The following TEAD4 variants were observed in gnomAD, a reference collection of about 807,000 sequenced individuals.
TEAD4 encodes transcriptional enhancer factor TEF-3.
A neutral mutation model predicts 52.4 loss-of-function variants in TEAD4; 36 were observed. The ratio of observed to expected loss-of-function variants is 0.69; its 90% CI spans 0.53 to 0.91. The LOEUF (loss-of-function observed/expected upper bound fraction) is 0.91. Ranked by LOEUF, TEAD4 falls within the 40% of genes least tolerant of loss-of-function variation. TEAD4 has a pLI of 0.00. For missense variants in TEAD4, 508 were observed against 583.9 expected, an observed-to-expected ratio of 0.87 and a Z score of 1.34; for synonymous variants, 220 against 231.0, an observed-to-expected ratio of 0.95 and a Z score of 0.43.
intron 10 of TEAD4, among the ~76,000 whole-genome samples, chr12:3,031,735 C>T (rs2098275711): frequency 1.3e-5 from 2 of 152,340 alleles, no homozygotes; most frequent in South Asian, 4.1e-4. Context: ...ATAACCTCAT[C>T]TGCAGAGGGG....
intron 11 of TEAD4, among the ~76,000 whole-genome samples, chr12:3,039,327 C>G (rs930783641): frequency 2.0e-5 from 3 of 152,090 alleles, no homozygotes; most frequent in African/African-American, 7.2e-5. Context: ...GCTCATAATC[C>G]CATGTGCGCT....
chr12:2,992,922 C>T (rs983623342), intron 2 of TEAD4, among the ~76,000 whole-genome samples: 6 of 152,086 alleles, frequency 3.9e-5, no homozygotes, highest in Admixed American at 6.6e-5. Flanking sequence ...CTGGATTTGT[C>T]TCATGTTAGG....
In TEAD4 at chr12:2,961,351, A is replaced by G. The variant is rs981339579; in HGVS notation, c.-30+1311A>G. Among the ~76,000 whole-genome samples, 4 of 151,914 alleles carry G rather than the reference A, an allele frequency of 2.6e-5. No homozygotes were observed. In the East Asian group the frequency reaches 7.8e-4, roughly 29 times the overall value. On this transcript the variant is annotated intron_variant, in intron 2 of 12. Coordinates refer to ENST00000359864, the MANE Select transcript of TEAD4 (RefSeq NM_003213.4). ...AGTAGCTTGTTGCATGAGGGCTTCA[A>G]CGTGGATATCATGTGTAGGGCTTCT...
intron 3 of TEAD4, among the ~76,000 whole-genome samples, chr12:2,998,261 A>G (rs934123568): frequency 6.6e-6 from 1 of 152,006 alleles, no homozygotes; most frequent in Non-Finnish European, 1.5e-5. Context: ...ATTTGGGTGG[A>G]TGCTTAGTTT....
At chr12:2,962,515 A>G (rs955319174) in intron 2 of TEAD4, among the ~76,000 whole-genome samples, 4 of 151,522 alleles carry the variant, frequency 2.6e-5, no homozygotes, top group African/African-American at 7.3e-5. Context: ...TTGTATTTTT[A>G]GTGGAGACGG....
chr12:3,038,705 C>G (rs373228998), intron 11 of TEAD4, among the ~76,000 whole-genome samples: 1 of 152,188 alleles, frequency 6.6e-6, no homozygotes, highest in Non-Finnish European at 1.5e-5. Flanking sequence ...GGAGCATAAG[C>G]GCAGGTGAAT....
chr12:3,034,543 G>A (rs2098278123), intron 10 of TEAD4, among the ~76,000 whole-genome samples: 1 of 152,208 alleles, frequency 6.6e-6, no homozygotes, highest in Non-Finnish European at 1.5e-5. Context: ...CTGCCTCTGT[G>A]TGTCTGGAAG....
intron 10 of TEAD4, among the ~76,000 whole-genome samples, chr12:3,036,372 C>A (rs899065451): frequency 6.6e-6 from 1 of 152,088 alleles, no homozygotes; most frequent in Non-Finnish European, 1.5e-5. Context: ...ACAATCAACA[C>A]CCACCGCCAG....
At chr12:3,025,072 G>A (rs1002702159) in intron 10 of TEAD4, among the ~76,000 whole-genome samples, 9 of 152,016 alleles carry the variant, frequency 5.9e-5, no homozygotes, top group East Asian at 1.9e-4. Context: ...AGCCTCCCGA[G>A]TAGCTGGGAT....
Position 2,994,734 on chromosome 12 carries a change from A to G in TEAD4, c.-29-4A>G, listed in dbSNP as rs2098245809. 1.9e-6 allele frequency: 3 copies of G among 1,568,778 alleles called. No individual in the cohort carries two copies. ...CACCGGGGCTGTGGTTCCTGTCCCC[A>G]CAGGTCCAACGAGCGCTCCTCCAAG... On this transcript the variant is annotated splice_region_variant and splice_polypyrimidine_tract_variant and intron_variant, in intron 2 of 12. Coordinates refer to ENST00000359864, the MANE Select transcript of TEAD4 (RefSeq NM_003213.4). This position sits in a 1 kb window ranked among gnomAD's most constrained non-coding sequence, Gnocchi z 4.7.
chr12:3,019,297 C>G, intron 8 of TEAD4, 127 bp downstream of exon 8: 1 of 1,054,874 alleles, frequency 9.5e-7, no homozygotes, highest in Non-Finnish European at 1.4e-6. Flanking sequence ...ACACTGACCA[C>G]ACGTCCTAGT....
chr12:3,033,151 GGGA>G (rs951069428), intron 10 of TEAD4, among the ~76,000 whole-genome samples: 3 of 152,134 alleles, frequency 2.0e-5, no homozygotes, highest in African/African-American at 7.2e-5. Flanking sequence ...CCCTTGGAGT[GGGA>G]GGAGGACTTG....
chr12:2,986,025 G>A (rs930565216), intron 2 of TEAD4, among the ~76,000 whole-genome samples: 1 of 151,976 alleles, frequency 6.6e-6, no homozygotes, highest in Non-Finnish European at 1.5e-5. Context: ...GGCAGAGGTT[G>A]CAGTGAGCTG....
rs537382113 is a variant in TEAD4 at position 3,011,175 on chromosome 12, C to T, written c.291+107C>T. 762 of 1,137,860 alleles carry T rather than the reference C, an allele frequency of 6.7e-4. 12 individuals are homozygous for T. In the South Asian group the frequency reaches 9.5e-3, roughly 14 times the overall value. The allele number at this position is 1,137,860 out of a possible 1,614,324, so 70.5% of individuals were successfully genotyped here. A position where few individuals can be genotyped will look rare whatever the true frequency, so the allele number is the denominator to read the frequency against. On this transcript the variant is annotated intron_variant, in intron 4 of 12. Coordinates refer to ENST00000359864, the MANE Select transcript of TEAD4 (RefSeq NM_003213.4). ...GGACCAGACGCAGGCTTTTGAGGGG[C>T]GGCAGCTCTGGATGAGTTATCCCTG...
chr12:3,022,851 C>T (rs1565548034), intron 10 of TEAD4, among the ~76,000 whole-genome samples: 1 of 152,156 alleles, frequency 6.6e-6, no homozygotes. Flanking sequence ...TGGCTCTGCC[C>T]GCATCCCTCT....
chr12:2,969,842 C>T (rs1215875636), intron 2 of TEAD4, among the ~76,000 whole-genome samples: 1 of 152,182 alleles, frequency 6.6e-6, no homozygotes, highest in African/African-American at 2.4e-5. Flanking sequence ...AGATGACCCC[C>T]CACAACCCCA....
chr12:3,001,411 C>T lies in TEAD4; in HGVS notation c.226+6419C>T, dbSNP rs2098251580. Among the ~76,000 whole-genome samples, 4 of 152,298 alleles carry T rather than the reference C, an allele frequency of 2.6e-5. No individual in the cohort carries two copies. In the South Asian group the frequency reaches 8.3e-4, roughly 32 times the overall value. ...ACAATAATTCCCCATTCCCCTCTGC[C>T]CCTATAGCCGCTGGTAGCCTGTTCT... On this transcript the variant is annotated intron_variant, in intron 3 of 12. Coordinates refer to ENST00000359864, the MANE Select transcript of TEAD4 (RefSeq NM_003213.4).
At chr12:3,002,330 G>T (rs1002394691) in intron 3 of TEAD4, among the ~76,000 whole-genome samples, 1 of 152,154 alleles carries the variant, frequency 6.6e-6, no homozygotes, top group Non-Finnish European at 1.5e-5. Flanking sequence ...AGTGAACATT[G>T]GTGTACAGGT....
intron 9 of TEAD4, among the ~76,000 whole-genome samples, chr12:3,021,006 C>T (rs1003016963): frequency 1.3e-4 from 20 of 152,190 alleles, no homozygotes; most frequent in African/African-American, 4.1e-4. Context: ...GTCAGCGTCA[C>T]GCTCCTCCCT....
Sources: gnomAD v4.1 joint callset for allele counts (sites outside exome capture counted in the v4.1 genomes callset) on GRCh38, gnomAD v4.1.1 for gene constraint, Gnocchi (gnomAD v3.1) non-coding constraint, MANE v1.5 for transcripts, NCBI Gene and HGNC (gene_info 2026-07-23, HGNC 2026-07-21) for gene names.